CNTNAP2: variants seen among roughly 807,000 people sequenced by gnomAD.
CNTNAP2 encodes the protein contactin-associated protein-like 2.
Under a neutral mutation model 155.2 loss-of-function variants are expected in CNTNAP2, and 98 were observed. The observed-to-expected ratio is 0.63, with a 90% CI of 0.54 to 0.75. The LOEUF (loss-of-function observed/expected upper bound fraction) is 0.75. Ranked by LOEUF, CNTNAP2 falls within the 30% of genes least tolerant of loss-of-function variation. The pLI is 0.00. For missense variants in CNTNAP2, 1,727 were observed against 1,688.1 expected, an observed-to-expected ratio of 1.02 and a Z score of -0.40; for synonymous variants, 651 against 631.2, an observed-to-expected ratio of 1.03 and a Z score of -0.47.
chr7:148,187,545 A>C (rs1795139466), intron 18 of CNTNAP2, among the ~76,000 whole-genome samples: 1 of 152,206 alleles, frequency 6.6e-6, no homozygotes, highest in Non-Finnish European at 1.5e-5. Flanking sequence ...TCTAAAATCC[A>C]AACAAAACAT....
intron 13 of CNTNAP2, among the ~76,000 whole-genome samples, chr7:147,883,145 G>A (rs753453569): frequency 5.3e-5 from 8 of 152,090 alleles, no homozygotes; most frequent in African/African-American, 1.4e-4. Context: ...AGAAAGCCTT[G>A]TGCTAGTTAG....
intron 3 of CNTNAP2, among the ~76,000 whole-genome samples, chr7:146,936,562 A>G (rs1796918689): frequency 6.6e-6 from 1 of 152,236 alleles, no homozygotes; most frequent in South Asian, 2.1e-4. Context: ...AAAGCAAACT[A>G]ACTGTGGCCT....
rs527614610 is a variant in CNTNAP2 at position 148,298,612 on chromosome 7, T to G, written c.3475+31486T>G. Among the ~76,000 whole-genome samples the G allele has an allele frequency of 6.6e-5, 10 of 152,270 alleles. 1 individual carries two copies. The highest frequency in any genetic ancestry group is 2.4e-4 in the African/African-American group (10 of 41,542). ...ACAGACACACCCAGGAACAATACTT[T>G]ACATCCAACCAAGTTCCAAGGATTG... is the stretch of plus-strand genomic sequence containing the variant. On this transcript the variant is annotated intron_variant, in intron 21 of 23. Coordinates refer to ENST00000361727, the MANE Select transcript of CNTNAP2 (RefSeq NM_014141.6).
At chr7:147,207,465 AG>A (rs1326128851) in intron 8 of CNTNAP2, among the ~76,000 whole-genome samples, 1 of 152,162 alleles carries the variant, frequency 6.6e-6, no homozygotes, top group Non-Finnish European at 1.5e-5. Flanking sequence ...ATAAAGCAGT[AG>A]AGTACAAACC....
At chr7:147,118,611 G>A (rs1300039586) in intron 5 of CNTNAP2, among the ~76,000 whole-genome samples, 1 of 151,548 alleles carries the variant, frequency 6.6e-6, no homozygotes, top group Admixed American at 6.6e-5. Flanking sequence ...AAAGACAAAC[G>A]TAAATTGTAT....
chr7:148,357,167 G>C (rs769668069), intron 21 of CNTNAP2, among the ~76,000 whole-genome samples: 1 of 152,078 alleles, frequency 6.6e-6, no homozygotes, highest in Non-Finnish European at 1.5e-5. Flanking sequence ...GAATCATGGG[G>C]GTGGGTCTTT....
At chr7:148,216,873 C>T (rs976721265) in intron 18 of CNTNAP2, among the ~76,000 whole-genome samples, 1 of 152,100 alleles carries the variant, frequency 6.6e-6, no homozygotes, top group African/African-American at 2.4e-5. Context: ...ATAAGTCTCA[C>T]AAGAGCTGAT....
intron 1 of CNTNAP2, among the ~76,000 whole-genome samples, chr7:146,711,293 A>C (rs1364143807): frequency 1.4e-5 from 2 of 146,304 alleles, no homozygotes; most frequent in Admixed American, 1.4e-4. Context: ...AAACATAAAC[A>C]TACATATATG....
intron 1 of CNTNAP2, among the ~76,000 whole-genome samples, chr7:146,517,262 G>T (rs139045613): frequency 4.6e-5 from 7 of 151,882 alleles, no homozygotes; most frequent in African/African-American, 1.7e-4. Context: ...TCCACTGGGG[G>T]TCTTGGTATG....
chr7:147,992,692 C>T (rs1255877254), intron 15 of CNTNAP2, among the ~76,000 whole-genome samples: 3 of 152,206 alleles, frequency 2.0e-5, no homozygotes, highest in African/African-American at 4.8e-5. Flanking sequence ...AATCAAGAAT[C>T]TCTCACACTG....
At chr7:148,193,860 T>A (rs1468196764) in intron 18 of CNTNAP2, among the ~76,000 whole-genome samples, 1 of 151,710 alleles carries the variant, frequency 6.6e-6, no homozygotes, top group East Asian at 2.0e-4. Flanking sequence ...TGCTGTTCAT[T>A]CCCAGCACTG....
intron 4 of CNTNAP2, among the ~76,000 whole-genome samples, chr7:147,060,746 C>A (rs986764716): frequency 3.3e-5 from 5 of 152,020 alleles, no homozygotes; most frequent in Non-Finnish European, 7.4e-5. Context: ...CGCCTGTAGT[C>A]CCAGCTACTC....
At chr7:147,652,471 TAGC>T (rs1236672843) in intron 13 of CNTNAP2, among the ~76,000 whole-genome samples, 2 of 152,186 alleles carry the variant, frequency 1.3e-5, no homozygotes, top group African/African-American at 4.8e-5. Flanking sequence ...GGAGAGGAAA[TAGC>T]AGTAGTATTT....
chr7:146,710,898 C>T (rs1467829748), intron 1 of CNTNAP2, among the ~76,000 whole-genome samples: 1 of 151,974 alleles, frequency 6.6e-6, no homozygotes, highest in African/African-American at 2.4e-5. Flanking sequence ...AATCATTAGC[C>T]AAGTTAGGAG....
chr7:146,191,202 C>T (rs115371580), intron 1 of CNTNAP2, among the ~76,000 whole-genome samples: 1 of 151,872 alleles, frequency 6.6e-6, no homozygotes, highest in Non-Finnish European at 1.5e-5. Flanking sequence ...GGAAAGAGTA[C>T]AAAACAGACA....
At chr7:148,272,582 G>A (rs1796801700) in intron 21 of CNTNAP2, among the ~76,000 whole-genome samples, 1 of 152,134 alleles carries the variant, frequency 6.6e-6, no homozygotes, top group Non-Finnish European at 1.5e-5. Context: ...AGGCTAGAAA[G>A]ATGGGATAAA....
chr7:146,748,143 CTTTTTTTT>C (rs61495352), intron 1 of CNTNAP2, among the ~76,000 whole-genome samples: 1 of 98,004 alleles, frequency 1.0e-5, no homozygotes, highest in Non-Finnish European at 2.0e-5. Flanking sequence ...CTTTTCTTTT[CTTTTTTTT>C]TTTTTTTTTT....
intron 12 of CNTNAP2, among the ~76,000 whole-genome samples, chr7:147,611,725 C>CAG (rs1425086130): frequency 3.9e-5 from 6 of 152,298 alleles, no homozygotes; most frequent in African/African-American, 1.4e-4. Flanking sequence ...GTGTTCCCTA[C>CAG]AGAGTTCCAT....
chr7:146,355,042 T>A (rs1338792263), intron 1 of CNTNAP2, among the ~76,000 whole-genome samples: 1 of 152,094 alleles, frequency 6.6e-6, no homozygotes, highest in Non-Finnish European at 1.5e-5. Flanking sequence ...ATAACAGGAG[T>A]CTCAGAGGAC....
Sources: allele counts gnomAD v4.1 joint callset (sites outside exome capture counted in the v4.1 genomes callset), GRCh38; gene constraint gnomAD v4.1.1; transcripts MANE v1.5; gene names NCBI Gene and HGNC (gene_info 2026-07-23, HGNC 2026-07-21).